The following PTPRK variants were observed in gnomAD, a reference collection of about 807,000 sequenced individuals.
PTPRK encodes the protein receptor-type tyrosine-protein phosphatase kappa.
PTPRK carries 75 observed loss-of-function variants against 178.0 expected under a neutral mutation model. The observed-to-expected ratio is 0.42, with a 90% CI of 0.35 to 0.51. The LOEUF (loss-of-function observed/expected upper bound fraction) is 0.51. PTPRK is among the 20% of genes least tolerant of loss of function. The pLI is 0.02. For missense variants in PTPRK, 1,441 were observed against 1,797.8 expected (o/e 0.80, Z 3.59); for synonymous variants, 637 against 620.6 (o/e 1.03, Z -0.39).
chr6:128,026,541 G>T (rs1774342946), intron 13 of PTPRK, among the ~76,000 whole-genome samples: 1 of 152,060 alleles, frequency 6.6e-6, no homozygotes. Flanking sequence ...CTCTAGGCTT[G>T]TTCTGAAGAT....
In PTPRK at chr6:128,184,608, T is replaced by C; in HGVS notation, c.986A>G (p.Glu329Gly). The C allele has an allele frequency of 6.2e-7, 1 of 1,614,064 alleles. No homozygotes were observed. Residue 329 changes from glutamate to glycine, a missense_variant, in exon 7 of 30, where the codon GAG (glutamate) becomes GGG (glycine). Transcript: ENST00000368226. ...GDGPIILKEV[E>G]YRMTSGSWTE... ...CCAGGATCCTGATGTCATTCGGTAC[T>C]CTACTTCTTTCAGGATGATAGGACC...
chr6:128,202,469 G>A (rs758677949), intron 6 of PTPRK, among the ~76,000 whole-genome samples: 60 of 152,250 alleles, frequency 3.9e-4, no homozygotes, highest in Non-Finnish European at 4.7e-4. Context: ...TCTGGACCCG[G>A]GATTCCCAGG....
intron 1 of PTPRK, among the ~76,000 whole-genome samples, chr6:128,435,101 G>GC (rs1845395583): frequency 6.1e-5 from 5 of 81,318 alleles, no homozygotes; most frequent in Non-Finnish European, 1.2e-4. Context: ...AGGAAGGAAG[G>GC]AAGGAAGGCA....
intron 7 of PTPRK, among the ~76,000 whole-genome samples, chr6:128,178,270 T>C (rs1801388180): frequency 6.6e-6 from 1 of 151,880 alleles, no homozygotes; most frequent in Admixed American, 6.6e-5. Flanking sequence ...GTCAATTCCT[T>C]AAGAGCAGGA....
At chr6:128,424,197 C>T (rs73589570) in intron 1 of PTPRK, among the ~76,000 whole-genome samples, 6,919 of 152,124 alleles carry the variant, frequency 0.045, 494 homozygotes, top group African/African-American at 0.16. Flanking sequence ...CACAACACTA[C>T]GCTCCAGACT....
At chr6:128,432,022 G>A (rs995920137) in intron 1 of PTPRK, among the ~76,000 whole-genome samples, 2 of 152,122 alleles carry the variant, frequency 1.3e-5, no homozygotes, top group African/African-American at 4.8e-5. Flanking sequence ...GAAGAGAAAG[G>A]AAGGAAGGAA....
rs77488803 is a variant in PTPRK, at chr6:128,005,831, G to A, written c.2334-587C>T. 2.9e-3 allele frequency among the ~76,000 whole-genome samples: 363 copies of A among 127,126 alleles called. 3 individuals carry two copies. The highest frequency in any genetic ancestry group is 3.7e-3 in the Non-Finnish European group (212 of 57,790). The allele number at this position is 127,126 out of a possible 152,430, so 83.4% of individuals were successfully genotyped here. A position where few individuals can be genotyped will look rare whatever the true frequency, so the allele number is the denominator to read the frequency against. ...AATTATAACTAAATTAAAAGTAGCT[G>A]GACATACAGAAATACAATATCCCTT... On this transcript the variant is annotated intron_variant, in intron 14 of 29. Transcript: ENST00000368226.
chr6:127,990,628 T>A, intron 21 of PTPRK, 141 bp downstream of exon 21: 2 of 627,690 alleles, frequency 3.2e-6, no homozygotes, highest in Non-Finnish European at 5.6e-6. Flanking sequence ...TGGCACATAG[T>A]AAACTCTCAA....
intron 3 of PTPRK, among the ~76,000 whole-genome samples, chr6:128,264,592 C>G (rs530325374): frequency 1.3e-5 from 2 of 152,192 alleles, no homozygotes; most frequent in South Asian, 4.1e-4. Context: ...CTCCTAGGCT[C>G]AAGCAATCCT....
chr6:128,037,544 A>T (rs1776431017), intron 13 of PTPRK, among the ~76,000 whole-genome samples: 1 of 152,230 alleles, frequency 6.6e-6, no homozygotes, highest in African/African-American at 2.4e-5. Context: ...GGAGTTTATT[A>T]TTCACTTAAC....
chr6:128,105,756 A>G (rs1433684611), intron 7 of PTPRK, among the ~76,000 whole-genome samples: 1 of 152,184 alleles, frequency 6.6e-6, no homozygotes, highest in African/African-American at 2.4e-5. Context: ...CTGCCATTTA[A>G]TGCACATTAA....
chr6:128,256,446 AT>A lies in PTPRK; in HGVS notation c.496-13845del, dbSNP rs528110195. ...AAAGAGTAGGCAAACTATGTTCTTC[AT>A]TTTTTTTTTTTTTTGAGATGGAGTC... On this transcript the variant is annotated intron_variant, in intron 3 of 29. Coordinates refer to ENST00000368226, the MANE Select transcript of PTPRK (RefSeq NM_002844.4). 3.2e-3 allele frequency among the ~76,000 whole-genome samples: 458 copies of A among 142,278 alleles called. 1 individual carries two copies. The highest frequency in any genetic ancestry group is 0.021 in the East Asian group (102 of 4,946). 93.3% of individuals were successfully genotyped at this position (142,278 alleles called of 152,430 possible).
Position 127,969,432 on chromosome 6 carries a change from C to T in PTPRK, c.*795G>A, listed in dbSNP as rs916095990. On this transcript the variant is annotated 3_prime_UTR_variant, in exon 30 of 30. Coordinates refer to ENST00000368226, the MANE Select transcript of PTPRK (RefSeq NM_002844.4). ...AAGAGAATCACTATAAAGAACATTG[C>T]TTCCTGGTTTATGAATAAAAAGTTT... 2.0e-5 allele frequency: 3 copies of T among 152,102 alleles called. No homozygotes were observed. The highest frequency in any genetic ancestry group is 7.2e-5 in the African/African-American group (3 of 41,414). 9.4% of individuals were successfully genotyped at this position (152,102 alleles called of 1,614,324 possible).
chr6:127,993,302 CAT>C (rs1024614202), intron 18 of PTPRK, among the ~76,000 whole-genome samples: 15 of 151,386 alleles, frequency 9.9e-5, no homozygotes, highest in African/African-American at 2.4e-4. Context: ...TAGATACACA[CAT>C]ATATATAGGG....
At chr6:128,431,864 T>C (rs542647902) in intron 1 of PTPRK, among the ~76,000 whole-genome samples, 6 of 152,330 alleles carry the variant, frequency 3.9e-5, no homozygotes, top group South Asian at 2.1e-4. Flanking sequence ...AGCAGAGCTA[T>C]GTGGCAGGCT....
At chr6:128,360,163 G>A (rs1041003689) in intron 2 of PTPRK, among the ~76,000 whole-genome samples, 2 of 152,170 alleles carry the variant, frequency 1.3e-5, no homozygotes, top group African/African-American at 2.4e-5. Flanking sequence ...CAGCGCTTAA[G>A]AGATCATTTC....
At chr6:128,184,006 T>C (rs958121199) in intron 7 of PTPRK, among the ~76,000 whole-genome samples, 1 of 152,310 alleles carries the variant, frequency 6.6e-6, no homozygotes, top group Middle Eastern at 3.4e-3. Context: ...ACTTTTCTTA[T>C]CCATATTATA....
chr6:128,032,531 G>C (rs565505547), intron 13 of PTPRK, among the ~76,000 whole-genome samples: 13 of 152,010 alleles, frequency 8.6e-5, no homozygotes, highest in Non-Finnish European at 1.8e-4. Flanking sequence ...AAATATATGA[G>C]TCATTATTTA....
intron 1 of PTPRK, among the ~76,000 whole-genome samples, chr6:128,412,356 C>A (rs1842404550): frequency 6.6e-6 from 1 of 152,180 alleles, no homozygotes; most frequent in Non-Finnish European, 1.5e-5. Context: ...AAAAGTTGGG[C>A]ATTATTATCA....
Sources: allele counts gnomAD v4.1 joint callset (sites outside exome capture counted in the v4.1 genomes callset), GRCh38; gene constraint gnomAD v4.1.1; transcripts MANE v1.5; gene names NCBI Gene and HGNC (gene_info 2026-07-23, HGNC 2026-07-21).